Variants in DLGAP1 observed in about 807,000 individuals in gnomAD.
DLGAP1 encodes disks large-associated protein 1.
Under a neutral mutation model 90.8 loss-of-function variants are expected in DLGAP1, and 11 were observed. That is an observed-to-expected ratio of 0.12 (90% confidence interval 0.08 to 0.20). DLGAP1 has a LOEUF of 0.20. Among genes scored for constraint, DLGAP1 ranks in the 10% least tolerant of loss-of-function variants. The probability of loss-of-function intolerance (pLI) is 1.00; values close to 1 mark genes in which losing one functional copy is unlikely to be tolerated. For synonymous variants in DLGAP1, 558 were observed against 540.7 expected, an observed-to-expected ratio of 1.03 and a Z score of -0.44; for missense variants, 1,050 against 1,333.8, an observed-to-expected ratio of 0.79 and a Z score of 3.31.
intron 1 of DLGAP1, among the ~76,000 whole-genome samples, chr18:4,324,912 C>T (rs1439978203): frequency 6.6e-6 from 1 of 152,128 alleles, no homozygotes; most frequent in African/African-American, 2.4e-5. Flanking sequence ...CAATATCATA[C>T]TGAATGGGCA....
chr18:3,680,767 A>T (rs887751219), intron 7 of DLGAP1, among the ~76,000 whole-genome samples: 2 of 147,668 alleles, frequency 1.4e-5, no homozygotes, highest in Non-Finnish European at 3.0e-5. Flanking sequence ...CCAGCCTGGA[A>T]GACAGAGCGA....
intron 1 of DLGAP1, among the ~76,000 whole-genome samples, chr18:4,174,922 C>A (rs899673021): frequency 2.0e-5 from 3 of 152,150 alleles, no homozygotes; most frequent in Non-Finnish European, 4.4e-5. Context: ...TCATCCATGT[C>A]CCTGTGAAGG....
At chr18:3,943,416 G>A (rs2072810543) in intron 3 of DLGAP1, among the ~76,000 whole-genome samples, 1 of 148,442 alleles carries the variant, frequency 6.7e-6, no homozygotes. Context: ...GTGATAAACT[G>A]CAAAGATGGA....
At chr18:3,667,947 CA>C (rs2146693796) in intron 7 of DLGAP1, among the ~76,000 whole-genome samples, 1 of 152,294 alleles carries the variant, frequency 6.6e-6, no homozygotes, top group East Asian at 1.9e-4. Flanking sequence ...TCCCAAAACT[CA>C]ATTGTCATAA....
rs1404752775 is a variant in DLGAP1 at position 3,546,115 on chromosome 18, A to AT, written c.2058-11501dup. Among the ~76,000 whole-genome samples the AT allele has an allele frequency of 2.6e-5, 4 of 152,290 alleles. No homozygotes were observed. In the East Asian group the frequency reaches 7.7e-4, roughly 29 times the overall value. On this transcript the variant is annotated intron_variant, in intron 9 of 12. Coordinates refer to ENST00000315677, the MANE Select transcript of DLGAP1 (RefSeq NM_004746.4). ...CAGCAGCTATACTGACCTTATTGGC[A>AT]TTTATAGAGCACTCCACTGAAAAAC...
Position 4,084,210 on chromosome 18 carries a change from G to A in DLGAP1, c.-159+66970C>T, listed in dbSNP as rs2075650945. ...CTGCAACCTGGTGTCTTAGCATAAT[G>A]ACTTGCAGCACGCAGTGGTTATAGT... On this transcript the variant is annotated intron_variant, in intron 2 of 12. Transcript: ENST00000315677. This position sits in a 1 kb window ranked among gnomAD's most constrained non-coding sequence, Gnocchi z 4.0. Among the ~76,000 whole-genome samples, 1 of 147,946 alleles carries A rather than the reference G, an allele frequency of 6.8e-6. No individual in the cohort carries two copies. The highest frequency in any genetic ancestry group is 1.5e-5 in the Non-Finnish European group (1 of 66,144).
chr18:3,722,904 T>A (rs140337130), intron 7 of DLGAP1, among the ~76,000 whole-genome samples: 1 of 152,186 alleles, frequency 6.6e-6, no homozygotes. Flanking sequence ...ATTAACTTCA[T>A]ACTCAAGCAA....
chr18:3,581,572 A>T (rs1367564306), intron 8 of DLGAP1, among the ~76,000 whole-genome samples: 2 of 151,048 alleles, frequency 1.3e-5, no homozygotes, highest in East Asian at 3.9e-4. Flanking sequence ...GCCATTTGAG[A>T]GGCTGCTGCC....
At chr18:3,599,740 C>T (rs987112484) in intron 7 of DLGAP1, among the ~76,000 whole-genome samples, 4 of 152,112 alleles carry the variant, frequency 2.6e-5, no homozygotes, top group African/African-American at 4.8e-5. Flanking sequence ...CTGCCTCAGC[C>T]TCCCGAGTAG....
At chr18:4,409,765 A>G (rs2082738247) in intron 1 of DLGAP1, among the ~76,000 whole-genome samples, 1 of 151,138 alleles carries the variant, frequency 6.6e-6, no homozygotes, top group African/African-American at 2.4e-5. Flanking sequence ...GATGGGATTG[A>G]TTTTTTTTTC....
intron 2 of DLGAP1, among the ~76,000 whole-genome samples, chr18:4,088,607 T>G (rs556421405): frequency 3.9e-5 from 6 of 152,286 alleles, no homozygotes; most frequent in Non-Finnish European, 8.8e-5. Context: ...TTTCATTTGT[T>G]TGAAAAAGTT....
chr18:3,895,004 C>T (rs1383542179), intron 3 of DLGAP1, among the ~76,000 whole-genome samples: 1 of 152,268 alleles, frequency 6.6e-6, no homozygotes, highest in East Asian at 1.9e-4. Flanking sequence ...ATGGTTTTTA[C>T]TGTCGAGATG....
chr18:3,873,229 A>T (rs2070862371), intron 4 of DLGAP1, among the ~76,000 whole-genome samples: 1 of 152,162 alleles, frequency 6.6e-6, no homozygotes, highest in African/African-American at 2.4e-5. Flanking sequence ...GAGAATTAAC[A>T]GAATTCTGCT....
At chr18:3,604,910 G>T (rs771512733) in intron 7 of DLGAP1, among the ~76,000 whole-genome samples, 13 of 152,150 alleles carry the variant, frequency 8.5e-5, no homozygotes, top group Non-Finnish European at 2.9e-5. Context: ...TTGTGTGTGC[G>T]TGTCCCCGGA....
chr18:3,699,388 C>T (rs1169148732), intron 7 of DLGAP1, among the ~76,000 whole-genome samples: 2 of 152,142 alleles, frequency 1.3e-5, no homozygotes, highest in South Asian at 2.1e-4. Flanking sequence ...AGTTTTCCTT[C>T]TAACCTGCCC....
chr18:3,534,708 T>C, intron 9 of DLGAP1, 93 bp from the exon 10 acceptor site: 1 of 1,211,042 alleles, frequency 8.3e-7, no homozygotes, highest in South Asian at 1.6e-5. Flanking sequence ...TTTTTTTTTT[T>C]TTGACAGAGT....
chr18:3,659,560 C>CTTTTTTTTT (rs200662417), intron 7 of DLGAP1, among the ~76,000 whole-genome samples: 1 of 142,318 alleles, frequency 7.0e-6, no homozygotes, highest in African/African-American at 2.6e-5. Flanking sequence ...AGCTCAATAT[C>CTTTTTTTTT]TTTTTTTTTT....
At chr18:4,369,158 T>C (rs2081855890) in intron 1 of DLGAP1, among the ~76,000 whole-genome samples, 1 of 152,236 alleles carries the variant, frequency 6.6e-6, no homozygotes. Context: ...ATATCTGAGA[T>C]GTACTCTTCA....
At chr18:4,426,782 G>A (rs1054992532) in intron 1 of DLGAP1, among the ~76,000 whole-genome samples, 1 of 152,142 alleles carries the variant, frequency 6.6e-6, no homozygotes, top group African/African-American at 2.4e-5. Context: ...TCTTATAAAT[G>A]AATTATCTCA....
Sources: gnomAD v4.1 joint callset for allele counts (sites outside exome capture counted in the v4.1 genomes callset) on GRCh38, gnomAD v4.1.1 for gene constraint, Gnocchi (gnomAD v3.1) non-coding constraint, MANE v1.5 for transcripts, NCBI Gene and HGNC (gene_info 2026-07-23, HGNC 2026-07-21) for gene names.